RAVER1: variants seen among roughly 807,000 people sequenced by gnomAD.
The protein encoded by RAVER1 is ribonucleoprotein, PTB binding 1.
A neutral mutation model predicts 68.4 loss-of-function variants in RAVER1; 36 were observed. That is an observed-to-expected ratio of 0.53 (90% CI 0.40 to 0.70). The LOEUF is 0.70. Among genes scored for constraint, RAVER1 ranks in the 30% least tolerant of loss-of-function variants. RAVER1 has a pLI of 0.00. For synonymous variants in RAVER1, 469 were observed against 472.7 expected (o/e 0.99, Z 0.10); for missense variants, 933 against 1,019.8 (o/e 0.91, Z 1.16).
In RAVER1 at chr19:10,333,019, C is replaced by T. The variant is rs1238291052; in HGVS notation, c.219+270G>A. On this transcript the variant is annotated intron_variant, in intron 1 of 12. Transcript: ENST00000617231. The surrounding 1 kb of genome is among the most constrained non-coding windows in gnomAD (Gnocchi z 4.2). The stretch of plus-strand genomic sequence containing the variant: ...CAACAGGACCAAAGCTGTCCGCCCC[C>T]TTCCATTCCCCGCCCGCTTCCATCA... 6.6e-6 allele frequency among the ~76,000 whole-genome samples: 1 copy of T among 152,180 alleles called. No individual in the cohort carries two copies. Among genetic ancestry groups the T allele is most frequent in the Non-Finnish European group, 1.5e-5 (1 of 68,038 alleles).
intron 6 of RAVER1, chr19:10,321,896 G>A (rs1165835065): frequency 3.6e-6 from 1 of 280,066 alleles, no homozygotes; most frequent in Non-Finnish European, 6.6e-6. Context: ...CAGCCACACA[G>A]TGTTTCAGCC....
In RAVER1 at chr19:10,320,855, T is replaced by C. The variant is rs1599299498; in HGVS notation, c.1570A>G (p.Lys524Glu). The C allele has an allele frequency of 6.6e-7, 1 of 1,509,664 alleles. No homozygotes were observed. Among genetic ancestry groups the C allele is most frequent in the Non-Finnish European group, 8.8e-7 (1 of 1,136,000 alleles). The allele number at this position is 1,509,664 out of a possible 1,614,324, so 93.5% of individuals were successfully genotyped here. Residue 524 changes from lysine to glutamate, a missense_variant, in exon 9 of 13, where the codon AAG becomes GAG. By Grantham distance (56) the Lys-to-Glu change is moderately conservative (BLOSUM62 1). Transcript: ENST00000617231. ...GCGCCTCCCCAGCCCCGGGCCTCCT[T>C]ACCCGCCAGGTTGCTGGCCGGGAGC... The part of the protein sequence containing the change: ...SLLPASNLAG[K>E]EARGWGGAGR...
In RAVER1 at chr19:10,323,263, C is replaced by T; in HGVS notation, c.960G>A (p.Arg320=). Residue 320 remains arginine, a synonymous_variant, in exon 5 of 13, where the codon CGG becomes CGA. Coordinates refer to ENST00000617231, the MANE Select transcript of RAVER1 (RefSeq NM_133452.3). The surrounding 1 kb of genome is among the most constrained non-coding windows in gnomAD (Gnocchi z 6.2). ...TGGGCTCGGGGAGGAGTCCCTTCCC[C>T]CGATTGAGGGCCTGCAGGAAGGAAC... ...LIAAQATALN[R]GKGLLPEPNI... 1 of 1,613,500 alleles carries T rather than the reference C, an allele frequency of 6.2e-7. No individual in the cohort carries two copies. Among genetic ancestry groups the T allele is most frequent in the African/African-American group, 1.3e-5 (1 of 75,018 alleles).
intron 1 of RAVER1, among the ~76,000 whole-genome samples, chr19:10,331,019 C>A (rs2040511407): frequency 6.7e-6 from 1 of 150,344 alleles, no homozygotes; most frequent in South Asian, 2.1e-4. Flanking sequence ...TGCCACTGCA[C>A]TCCAGCCTGG....
Position 10,328,625 on chromosome 19 carries a change from C to G in RAVER1, c.756+17G>C. The stretch of plus-strand genomic sequence containing the variant: ...CGGGCCTGGCACCTGCTCCCCAATG[C>G]TCTCCACAGGGCTCACCTGGCAGAA... On this transcript the variant is annotated intron_variant, in intron 3 of 12. Transcript: ENST00000617231. The surrounding 1 kb of genome is among the most constrained non-coding windows in gnomAD (Gnocchi z 4.4). 1.3e-6 allele frequency: 2 copies of G among 1,523,708 alleles called. No individual in the cohort carries two copies. Among genetic ancestry groups the G allele is most frequent in the Non-Finnish European group, 1.8e-6 (2 of 1,125,122 alleles). 94.4% of individuals were successfully genotyped at this position (1,523,708 alleles called of 1,614,324 possible).
In RAVER1 at chr19:10,317,530, C is replaced by G; in HGVS notation, c.2144G>C (p.Ser715Thr). The stretch of plus-strand genomic sequence containing the variant: ...GCCCTGGGAGTGCTGGCCCACATAG[C>G]TGCCTTCTGGGCTGGGCTCGGGCGA... ...LPSPEPSPEGSYVGQHSQGLG... is the reference protein window; with the variant it reads ...LPSPEPSPEGTYVGQHSQGLG... The change falls in exon 13 of 13, where the codon AGC becomes ACC. Residue 715 changes from serine (S) to threonine (T), a missense_variant. Transcript: ENST00000617231. The surrounding 1 kb of genome is among the most constrained non-coding windows in gnomAD (Gnocchi z 4.3). The G allele has an allele frequency of 6.2e-7, 1 of 1,613,708 alleles. No individual in the cohort carries two copies. The highest frequency in any genetic ancestry group is 1.1e-5 in the South Asian group (1 of 91,084).
chr19:10,317,714 A>G lies in RAVER1; in HGVS notation c.2049T>C (p.Pro683=), dbSNP rs1212604902. The G allele has an allele frequency of 1.3e-6, 2 of 1,594,534 alleles. No individual in the cohort carries two copies. Among genetic ancestry groups the G allele is most frequent in the Non-Finnish European group, 8.5e-7 (1 of 1,171,558 alleles). ...GEGLLGLSPG[P]NGHSHLLKTP... ...CCTTCAGCAGGTGGCTGTGACCATT[A>G]GGCCCGGGGCTGAGGCCCAGGAGCC... The change falls in exon 12 of 13, where the codon CCT becomes CCC. Residue 683 remains proline (P), a synonymous_variant. Transcript: ENST00000617231. The surrounding 1 kb of genome is among the most constrained non-coding windows in gnomAD (Gnocchi z 4.3).
At position 10,333,224 on chromosome 19, in the gene RAVER1, G is replaced by A. The variant is rs1259624224; in HGVS notation, c.219+65C>T. 15 of 1,486,240 alleles carry A rather than the reference G, an allele frequency of 1.0e-5. No homozygotes were observed. The highest frequency in any genetic ancestry group is 4.1e-5 in the Admixed American group (2 of 48,744). The allele number at this position is 1,486,240 out of a possible 1,614,324, so 92.1% of individuals were successfully genotyped here. A position where few individuals can be genotyped will look rare whatever the true frequency, so the allele number is the denominator to read the frequency against. On this transcript the variant is annotated intron_variant, in intron 1 of 12. Coordinates refer to ENST00000617231, the MANE Select transcript of RAVER1 (RefSeq NM_133452.3). The surrounding 1 kb of genome is among the most constrained non-coding windows in gnomAD (Gnocchi z 4.2). ...GCGCACCTCAGCGTTGGTGTCGCCC[G>A]GTTCCCCCCGCGCACGCGCACCGTG... is the stretch of plus-strand genomic sequence containing the variant.
chr19:10,319,417 C>G (rs1439726949), intron 9 of RAVER1, among the ~76,000 whole-genome samples, 177 bp from the exon 10 acceptor site: 3 of 152,232 alleles, frequency 2.0e-5, no homozygotes, highest in Non-Finnish European at 2.9e-5. Context: ...AGGGGGGTGC[C>G]CCCCATGGGC....
chr19:10,331,059 T>C (rs951186773), intron 1 of RAVER1, among the ~76,000 whole-genome samples: 1 of 143,086 alleles, frequency 7.0e-6, no homozygotes, highest in African/African-American at 2.7e-5. Flanking sequence ...TCAACAACAA[T>C]AACAACAAGG....
At position 10,316,884 on chromosome 19, in the gene RAVER1, G is replaced by A. The variant is rs1453207590; in HGVS notation, c.*570C>T. The A allele has an allele frequency of 1.9e-5, 3 of 156,332 alleles. No individual in the cohort carries two copies. The highest frequency in any genetic ancestry group is 2.8e-5 in the Non-Finnish European group (2 of 70,858). 9.7% of individuals were successfully genotyped at this position (156,332 alleles called of 1,614,324 possible). ...AGGCCAGATGGGCAGGCAGGGGCAGGAGACAGCCATGCCTGCAGCAAATGT... is the reference window on the plus strand; with the variant it reads ...AGGCCAGATGGGCAGGCAGGGGCAGAAGACAGCCATGCCTGCAGCAAATGT... On this transcript the variant is annotated 3_prime_UTR_variant, in exon 13 of 13. Coordinates refer to ENST00000617231, the MANE Select transcript of RAVER1 (RefSeq NM_133452.3).
chr19:10,317,643 G>A lies in RAVER1; in HGVS notation c.2074-43C>T. 6.5e-7 allele frequency: 1 copy of A among 1,543,744 alleles called. No homozygotes were observed. Among genetic ancestry groups the A allele is most frequent in the Non-Finnish European group, 8.8e-7 (1 of 1,137,922 alleles). ...GGCGGGGCGGGTCAGGGGCCGCTGG[G>A]GGGCCGGGGCTTCCCAGCCCTGCAT... On this transcript the variant is annotated intron_variant, in intron 12 of 12. Coordinates refer to ENST00000617231, the MANE Select transcript of RAVER1 (RefSeq NM_133452.3). The surrounding 1 kb of genome is among the most constrained non-coding windows in gnomAD (Gnocchi z 4.3).
chr19:10,323,576 G>A lies in RAVER1; in HGVS notation c.757-10C>T. 5 of 1,571,872 alleles carry A rather than the reference G, an allele frequency of 3.2e-6. No individual in the cohort carries two copies. The highest frequency in any genetic ancestry group is 3.4e-4 in the Middle Eastern group (2 of 5,858). ...CCTGGCCGCACGCCAGCTGCCGGAG[G>A]AAGGCAGGCAGTCATGAGCATCTGG... is the stretch of plus-strand genomic sequence containing the variant. On this transcript the variant is annotated splice_polypyrimidine_tract_variant and intron_variant, in intron 3 of 12. Coordinates refer to ENST00000617231, the MANE Select transcript of RAVER1 (RefSeq NM_133452.3). The surrounding 1 kb of genome is among the most constrained non-coding windows in gnomAD (Gnocchi z 6.2).
At chr19:10,327,862 G>C (rs1418401742) in intron 3 of RAVER1, among the ~76,000 whole-genome samples, 1 of 152,162 alleles carries the variant, frequency 6.6e-6, no homozygotes, top group African/African-American at 2.4e-5. Flanking sequence ...AGTCTGGCCT[G>C]TTCTCGCCCC....
At position 10,322,627 on chromosome 19, in the gene RAVER1, G is replaced by A. The variant is rs911914008; in HGVS notation, c.1173+18C>T. ...GTAGGGGCTGTAGAGCAGTGGGTGA[G>A]GGGGATGCGTGTGTTACCTTCTGGC... On this transcript the variant is annotated intron_variant, in intron 6 of 12. Coordinates refer to ENST00000617231, the MANE Select transcript of RAVER1 (RefSeq NM_133452.3). The surrounding 1 kb of genome is among the most constrained non-coding windows in gnomAD (Gnocchi z 4.3). 4.0e-6 allele frequency: 6 copies of A among 1,501,818 alleles called. No homozygotes were observed. The African/African-American group carries it at 8.7e-5, about 22-fold the overall frequency. The allele number at this position is 1,501,818 out of a possible 1,614,324, so 93.0% of individuals were successfully genotyped here. A position where few individuals can be genotyped will look rare whatever the true frequency, so the allele number is the denominator to read the frequency against.
intron 11 of RAVER1, 52 bp downstream of exon 11, chr19:10,318,177 C>G: frequency 6.6e-7 from 1 of 1,518,166 alleles, no homozygotes; most frequent in South Asian, 1.2e-5. Flanking sequence ...GCAGGCACCC[C>G]CAAATCCTAG....
chr19:10,320,835 TC>T lies in RAVER1; in HGVS notation c.1589del (p.Gly530GlufsTer161). On this transcript the variant is annotated frameshift_variant, in exon 9 of 13. Transcript: ENST00000617231. LOFTEE classifies it high-confidence loss of function. The stretch of plus-strand genomic sequence containing the variant: ...CTGGGCGGCGGCTTCTCCCGGCGCC[TC>T]CCCAGCCCCGGGCCTCCTTACCCGC... ...NLAGKEARGW[G>X]GAGRSRRPAE... 1 of 1,515,888 alleles carries T rather than the reference TC, an allele frequency of 6.6e-7. No individual in the cohort carries two copies. Among genetic ancestry groups the T allele is most frequent in the Non-Finnish European group, 8.8e-7 (1 of 1,139,226 alleles). 93.9% of individuals were successfully genotyped at this position (1,515,888 alleles called of 1,614,324 possible). A position where few individuals can be genotyped will look rare whatever the true frequency, so the allele number is the denominator to read the frequency against.
At chr19:10,331,903 G>A (rs1057414074) in intron 1 of RAVER1, among the ~76,000 whole-genome samples, 7 of 152,144 alleles carry the variant, frequency 4.6e-5, no homozygotes, top group African/African-American at 1.7e-4. Flanking sequence ...TGACTGGGGA[G>A]CCCACCTTCT....
rs771084778 is a variant in RAVER1, at chr19:10,320,667, G to A, written c.1758C>T (p.Phe586=). The A allele has an allele frequency of 1.7e-5, 27 of 1,553,774 alleles. No individual in the cohort carries two copies. The African/African-American group carries it at 2.2e-4, about 13-fold the overall frequency. Residue 586 remains phenylalanine (F), a synonymous_variant, in exon 9 of 13, where the codon TTC becomes TTT. Transcript: ENST00000617231. ...PEPGLSDSYS[F]DYPSDMGPRR... ...GCCAGGCACTCACCGAGGGGTAGTC[G>A]AAGCTGTAGCTGTCAGACAGTCCTG... is the stretch of plus-strand genomic sequence containing the variant.
Sources: allele counts gnomAD v4.1 joint callset (sites outside exome capture counted in the v4.1 genomes callset), GRCh38; gene constraint gnomAD v4.1.1; non-coding constraint Gnocchi (gnomAD v3.1); transcripts MANE v1.5; gene names NCBI Gene and HGNC (gene_info 2026-07-23, HGNC 2026-07-21).